Variants in DLGAP1 observed in about 807,000 individuals in gnomAD.
DLGAP1 encodes the protein disks large-associated protein 1.
DLGAP1 carries 11 observed loss-of-function variants against 90.8 expected under a neutral mutation model. That is an observed-to-expected ratio of 0.12 (90% CI 0.08 to 0.20). DLGAP1 has a LOEUF of 0.20. DLGAP1 is among the 10% of genes least tolerant of loss of function. The probability of loss-of-function intolerance (pLI) is 1.00; values close to 1 mark genes in which losing one functional copy is unlikely to be tolerated. For synonymous variants in DLGAP1, 558 were observed against 540.7 expected (o/e 1.03, Z -0.44); for missense variants, 1,050 against 1,333.8 (o/e 0.79, Z 3.31).
At chr18:4,026,482 A>G (rs1009939305) in intron 2 of DLGAP1, among the ~76,000 whole-genome samples, 8 of 152,210 alleles carry the variant, frequency 5.3e-5, no homozygotes, top group Non-Finnish European at 1.2e-4. Flanking sequence ...ACAGGTACAC[A>G]GGACACAGGT....
chr18:3,977,655 G>C (rs2073623110), intron 3 of DLGAP1: 1 of 250,148 alleles, frequency 4.0e-6, no homozygotes, highest in South Asian at 5.4e-5. Context: ...TGCCTTTGGA[G>C]GCCATGTGGA....
At chr18:4,260,199 A>C (rs952231236) in intron 1 of DLGAP1, among the ~76,000 whole-genome samples, 1 of 152,208 alleles carries the variant, frequency 6.6e-6, no homozygotes, top group Non-Finnish European at 1.5e-5. Flanking sequence ...TTAAATGGTA[A>C]ACTGAGGCAC....
chr18:4,078,940 A>C (rs1459812227), intron 2 of DLGAP1, among the ~76,000 whole-genome samples: 1 of 152,108 alleles, frequency 6.6e-6, no homozygotes, highest in African/African-American at 2.4e-5. Context: ...TTATGGCCAC[A>C]GTTTACATTC....
chr18:4,071,238 A>ATG (rs535648337), intron 2 of DLGAP1, among the ~76,000 whole-genome samples: 540 of 11,106 alleles, frequency 0.049, 5 homozygotes, highest in Non-Finnish European at 0.079. Context: ...AAAGATATAC[A>ATG]TGTGTGTGTG....
intron 7 of DLGAP1, among the ~76,000 whole-genome samples, chr18:3,725,188 T>C (rs1384285298): frequency 6.6e-6 from 1 of 152,198 alleles, no homozygotes; most frequent in Non-Finnish European, 1.5e-5. Context: ...TGGCCGGATG[T>C]GTGATTATTA....
At chr18:3,569,914 A>G (rs2054665901) in intron 8 of DLGAP1, among the ~76,000 whole-genome samples, 1 of 152,032 alleles carries the variant, frequency 6.6e-6, no homozygotes, top group African/African-American at 2.4e-5. Flanking sequence ...TAAGATTATA[A>G]TGGAACTGTC....
At chr18:4,072,066 T>G (rs1300918839) in intron 2 of DLGAP1, among the ~76,000 whole-genome samples, 4 of 152,204 alleles carry the variant, frequency 2.6e-5, no homozygotes, top group Non-Finnish European at 5.9e-5. Context: ...TGAGGACATA[T>G]GCTGTGTGTG....
intron 2 of DLGAP1, among the ~76,000 whole-genome samples, chr18:4,046,657 T>C (rs192429888): frequency 4.6e-5 from 7 of 152,354 alleles, no homozygotes; most frequent in East Asian, 3.9e-4. Flanking sequence ...GTGTTCTCAA[T>C]AGATGTTTTT....
At chr18:3,851,259 T>C (rs549690290) in intron 4 of DLGAP1, among the ~76,000 whole-genome samples, 1 of 152,104 alleles carries the variant, frequency 6.6e-6, no homozygotes, top group South Asian at 2.1e-4. Flanking sequence ...AGGTGGAGGG[T>C]AAATGGCAAA....
chr18:3,523,802 A>C (rs148019252), intron 10 of DLGAP1, among the ~76,000 whole-genome samples: 14,414 of 150,722 alleles, frequency 0.096, 925 homozygotes, highest in East Asian at 0.29. Context: ...GAGCTGAGAT[A>C]GCGCCACTGC....
chr18:3,791,094 G>A (rs952839610), intron 5 of DLGAP1, among the ~76,000 whole-genome samples: 9 of 152,148 alleles, frequency 5.9e-5, no homozygotes, highest in African/African-American at 1.7e-4. Context: ...TTTGGGCTGC[G>A]GCAATAAAGA....
rs1052918002 is a variant in DLGAP1 at position 3,528,042 on chromosome 18, C to T, written c.2479+6152G>A. Among the ~76,000 whole-genome samples the T allele has an allele frequency of 6.6e-5, 10 of 152,182 alleles. No individual in the cohort carries two copies. In the East Asian group the frequency reaches 1.4e-3, roughly 21 times the overall value. On this transcript the variant is annotated intron_variant, in intron 10 of 12. Coordinates refer to ENST00000315677, the MANE Select transcript of DLGAP1 (RefSeq NM_004746.4). ...TTCTGGTACCCCACAAAATAAATTG[C>T]GTGATTAGAATCTTCCGTTTTTTCC...
intron 2 of DLGAP1, among the ~76,000 whole-genome samples, chr18:4,129,491 T>C (rs544606769): frequency 6.6e-6 from 1 of 152,250 alleles, no homozygotes; most frequent in East Asian, 1.9e-4. Flanking sequence ...TGGTGCGTCA[T>C]AGAATGAAAC....
intron 10 of DLGAP1, among the ~76,000 whole-genome samples, chr18:3,510,774 T>C (rs1278592189): frequency 6.6e-6 from 1 of 152,212 alleles, no homozygotes; most frequent in African/African-American, 2.4e-5. Flanking sequence ...TTTGAGCTGA[T>C]GGTTCTCAAT....
At position 3,995,956 on chromosome 18, in the gene DLGAP1, C is replaced by T. The variant is rs116533576; in HGVS notation, c.-73+9160G>A. Among the ~76,000 whole-genome samples, 338 of 151,924 alleles carry T rather than the reference C, an allele frequency of 2.2e-3. 4 individuals carry two copies. The highest frequency in any genetic ancestry group is 7.8e-3 in the African/African-American group (325 of 41,456). The stretch of plus-strand genomic sequence containing the variant: ...ATTAAATAATTCCTGATCTAATAAA[C>T]GGAGACAAATTACCTAATATTTTTG... On this transcript the variant is annotated intron_variant, in intron 3 of 12. Coordinates refer to ENST00000315677, the MANE Select transcript of DLGAP1 (RefSeq NM_004746.4).
At chr18:3,868,144 T>C (rs1459698741) in intron 4 of DLGAP1, among the ~76,000 whole-genome samples, 3 of 152,282 alleles carry the variant, frequency 2.0e-5, no homozygotes, top group African/African-American at 4.8e-5. Context: ...CAGCGTGCCA[T>C]GGAATACTTC....
At chr18:4,411,823 G>A (rs754510765) in intron 1 of DLGAP1, among the ~76,000 whole-genome samples, 1 of 152,138 alleles carries the variant, frequency 6.6e-6, no homozygotes, top group African/African-American at 2.4e-5. Context: ...ACAGCATGAT[G>A]GCTGGGTTCC....
At chr18:3,871,875 C>G (rs1256563587) in intron 4 of DLGAP1, among the ~76,000 whole-genome samples, 1 of 152,090 alleles carries the variant, frequency 6.6e-6, no homozygotes, top group Non-Finnish European at 1.5e-5. Flanking sequence ...ATATATAAAC[C>G]TGCACACATG....
At chr18:3,814,975 T>C (rs1431544446) in intron 4 of DLGAP1, among the ~76,000 whole-genome samples, 1 of 152,246 alleles carries the variant, frequency 6.6e-6, no homozygotes, top group East Asian at 1.9e-4. Context: ...TCCACGTCTC[T>C]CAGTCTTTAA....
Sources: gnomAD v4.1 joint callset for allele counts (sites outside exome capture counted in the v4.1 genomes callset) on GRCh38, gnomAD v4.1.1 for gene constraint, MANE v1.5 for transcripts, NCBI Gene and HGNC (gene_info 2026-07-23, HGNC 2026-07-21) for gene names.